The following CLNK variants were observed in gnomAD, a reference collection of about 807,000 sequenced individuals.
The protein encoded by CLNK is cytokine-dependent hematopoietic cell linker.
In CLNK, 74 loss-of-function variants were observed where a neutral mutation model predicts 68.6. The ratio of observed to expected loss-of-function variants is 1.08; its 90% confidence interval spans 0.89 to 1.31. The LOEUF (loss-of-function observed/expected upper bound fraction) is 1.31. Among genes scored for constraint, CLNK ranks in the 50% most tolerant of loss-of-function variants. The probability of loss-of-function intolerance (pLI) is 0.00; values close to 1 mark genes in which losing one functional copy is unlikely to be tolerated. For synonymous variants in CLNK, 198 were observed against 172.2 expected, an observed-to-expected ratio of 1.15 and a Z score of -1.17; for missense variants, 553 against 515.3, an observed-to-expected ratio of 1.07 and a Z score of -0.71.
intron 8 of CLNK, among the ~76,000 whole-genome samples, chr4:10,550,983 A>G (rs1030730311): frequency 2.0e-5 from 3 of 152,224 alleles, no homozygotes; most frequent in African/African-American, 4.8e-5. Flanking sequence ...TAACCGGTGG[A>G]TAATGGACAC....
At chr4:10,541,157 T>G (rs1278906158) in intron 10 of CLNK, among the ~76,000 whole-genome samples, 1 of 143,306 alleles carries the variant, frequency 7.0e-6, no homozygotes, top group African/African-American at 2.6e-5. Flanking sequence ...AATGTTGCAG[T>G]GAGCTGAGAT....
chr4:10,501,542 A>G, intron 17 of CLNK, 131 bp from the exon 18 acceptor site: 1 of 873,608 alleles, frequency 1.1e-6, no homozygotes, highest in Non-Finnish European at 1.7e-6. Flanking sequence ...ACTTTAATTC[A>G]GTAAGTTTTT....
At chr4:10,551,347 C>T (rs779560575) in intron 8 of CLNK, among the ~76,000 whole-genome samples, 7 of 152,030 alleles carry the variant, frequency 4.6e-5, no homozygotes, top group Admixed American at 3.9e-4. Flanking sequence ...TTGGTTCCAG[C>T]GATTTTCCTG....
intron 2 of CLNK, among the ~76,000 whole-genome samples, chr4:10,649,843 T>G (rs1723658382): frequency 6.6e-6 from 1 of 151,518 alleles, no homozygotes; most frequent in Non-Finnish European, 1.5e-5. Context: ...AGAATTCCCA[T>G]GGGTTAATTT....
At chr4:10,569,840 CTTG>C (rs1002384578) in intron 5 of CLNK, among the ~76,000 whole-genome samples, 1 of 152,208 alleles carries the variant, frequency 6.6e-6, no homozygotes, top group Non-Finnish European at 1.5e-5. Context: ...CCCACCTTAT[CTTG>C]TTGTTGTTCA....
chr4:10,489,682 T>TTTTTTTTTTTTG lies in CLNK; in HGVS notation c.*784_*785insCAAAAAAAAAAA, dbSNP rs58368200. ...CCAACCCAACACCTTTTTTTTTTTT[T>TTTTTTTTTTTTG]GAGACGGAGTCTCTCTGTCCCCAGG... On this transcript the variant is annotated 3_prime_UTR_variant, in exon 19 of 19. Transcript: ENST00000226951. 2 of 55,076 alleles carry TTTTTTTTTTTTG rather than the reference T, an allele frequency of 3.6e-5. 1 individual carries two copies. Among genetic ancestry groups the TTTTTTTTTTTTG allele is most frequent in the Non-Finnish European group, 1.1e-4 (2 of 18,388 alleles). 3.4% of individuals were successfully genotyped at this position (55,076 alleles called of 1,614,324 possible).
At chr4:10,626,621 C>G (rs1170652496) in intron 2 of CLNK, among the ~76,000 whole-genome samples, 2 of 152,070 alleles carry the variant, frequency 1.3e-5, no homozygotes, top group Non-Finnish European at 2.9e-5. Flanking sequence ...ACGATATATT[C>G]TGGTTTGTGG....
At chr4:10,696,882 TA>T in the CLNK span, among the ~76,000 whole-genome samples, 235 of 152,336 alleles carry the variant, frequency 1.5e-3, 1 homozygote, top group South Asian at 0.012. Flanking sequence ...GGATATTTGT[TA>T]AAAATGCAGA....
At chr4:10,616,333 G>A (rs1028023680) in intron 2 of CLNK, among the ~76,000 whole-genome samples, 1 of 152,172 alleles carries the variant, frequency 6.6e-6, no homozygotes, top group African/African-American at 2.4e-5. Context: ...TTAGACTTAA[G>A]AAGATAATGG....
chr4:10,497,966 T>C (rs12504866), intron 18 of CLNK, among the ~76,000 whole-genome samples: 151,239 of 152,340 alleles, frequency 0.99, 75,086 homozygotes, highest in East Asian at 1. Flanking sequence ...GAGGCCAAGG[T>C]GGGCAGATCA....
intron 1 of CLNK, among the ~76,000 whole-genome samples, chr4:10,673,779 A>G (rs1322286386): frequency 1.3e-5 from 2 of 152,176 alleles, no homozygotes; most frequent in Non-Finnish European, 2.9e-5. Flanking sequence ...GGGAGGCAGG[A>G]CTTGTAGGCT....
chr4:10,571,594 C>T (rs983323434), intron 5 of CLNK, 147 bp downstream of exon 5: 8 of 591,792 alleles, frequency 1.4e-5, no homozygotes, highest in African/African-American at 1.2e-4. Flanking sequence ...CCTTGGCCTC[C>T]CAAAGTGCTG....
intron 3 of CLNK, among the ~76,000 whole-genome samples, chr4:10,592,972 C>G (rs1721233942): frequency 6.6e-6 from 1 of 152,126 alleles, no homozygotes; most frequent in African/African-American, 2.4e-5. Flanking sequence ...AATGATCCAC[C>G]CATCTCAGCC....
chr4:10,696,677 G>A, the CLNK span, among the ~76,000 whole-genome samples: 2 of 152,136 alleles, frequency 1.3e-5, no homozygotes, highest in Non-Finnish European at 2.9e-5. Flanking sequence ...CTCAATAGCC[G>A]AAAGTCTTCT....
intron 2 of CLNK, among the ~76,000 whole-genome samples, chr4:10,654,258 C>T (rs1015099340): frequency 2.0e-5 from 3 of 150,920 alleles, no homozygotes; most frequent in South Asian, 2.1e-4. Context: ...ATTCAAGTTT[C>T]GTTTAACATT....
At chr4:10,530,697 G>T (rs1388349773) in intron 12 of CLNK, among the ~76,000 whole-genome samples, 1 of 152,162 alleles carries the variant, frequency 6.6e-6, no homozygotes, top group Non-Finnish European at 1.5e-5. Context: ...AAAGGGTTAT[G>T]ATTTGCGGTC....
chr4:10,493,603 C>T (rs1716684925), intron 18 of CLNK, among the ~76,000 whole-genome samples: 1 of 152,172 alleles, frequency 6.6e-6, no homozygotes, highest in Admixed American at 6.5e-5. Flanking sequence ...CTTAGGATTT[C>T]AACACATACA....
chr4:10,559,625 T>C (rs777794525), intron 7 of CLNK, among the ~76,000 whole-genome samples: 38 of 152,082 alleles, frequency 2.5e-4, no homozygotes, highest in Non-Finnish European at 5.0e-4. Context: ...TGTCTCCGTC[T>C]TAGGTGGGAT....
chr4:10,501,662 C>A (rs903485314), intron 17 of CLNK, among the ~76,000 whole-genome samples: 1 of 152,192 alleles, frequency 6.6e-6, no homozygotes, highest in African/African-American at 2.4e-5. Context: ...TGCGGTGGCT[C>A]ACCCCTGTAA....
Sources: allele counts gnomAD v4.1 joint callset (sites outside exome capture counted in the v4.1 genomes callset), GRCh38; gene constraint gnomAD v4.1.1; transcripts MANE v1.5; gene names NCBI Gene and HGNC (gene_info 2026-07-23, HGNC 2026-07-21).